AFF3: variants seen among roughly 807,000 people sequenced by gnomAD.
AFF3 encodes AF4/FMR2 family member 3.
Under a neutral mutation model 129.7 loss-of-function variants are expected in AFF3, and 32 were observed. That is an observed-to-expected ratio of 0.25 (90% confidence interval 0.19 to 0.33). The LOEUF (loss-of-function observed/expected upper bound fraction) is 0.33. Among genes scored for constraint, AFF3 ranks in the 10% least tolerant of loss-of-function variants. The pLI, the probability that AFF3 is intolerant of heterozygous loss-of-function variation, is 1.00. For synonymous variants in AFF3, 644 were observed against 635.4 expected (o/e 1.01, Z -0.20); for missense variants, 1,373 against 1,592.0 (o/e 0.86, Z 2.34).
chr2:99,836,619 C>A (rs1000487166), intron 8 of AFF3, among the ~76,000 whole-genome samples: 1 of 151,586 alleles, frequency 6.6e-6, no homozygotes, highest in Admixed American at 6.6e-5. Flanking sequence ...AAATTTTAAC[C>A]CAAGTAATTG....
At chr2:99,727,870 A>C (rs1679489745) in intron 10 of AFF3, among the ~76,000 whole-genome samples, 1 of 152,182 alleles carries the variant, frequency 6.6e-6, no homozygotes. Context: ...CCAGGAGGAG[A>C]GAATTTTTAC....
intron 4 of AFF3, among the ~76,000 whole-genome samples, chr2:100,071,329 GA>G (rs1688165600): frequency 6.6e-6 from 1 of 152,110 alleles, no homozygotes. Flanking sequence ...TCTTTTACAC[GA>G]AAGTATAAAA....
chr2:99,593,198 G>A lies in AFF3; in HGVS notation c.2463C>T (p.Arg821=), dbSNP rs778692513. 5.1e-6 allele frequency: 8 copies of A among 1,574,716 alleles called. No individual in the cohort carries two copies. Among genetic ancestry groups the A allele is most frequent in the Non-Finnish European group, 6.9e-6 (8 of 1,158,114 alleles). The part of the protein sequence containing the change: ...EKALPKSKRK[R]KCDNEDDYRE... ...CCCCAGTCAGCCCCAGGCCTACCTT[G>A]CGTTTCCTCTTGGATTTTGGCAAAG... Residue 821 remains arginine, a synonymous_variant, in exon 15 of 25, where the codon CGC becomes CGT. Coordinates refer to ENST00000672756, the MANE Select transcript of AFF3 (RefSeq NM_001386135.1).
rs184714392 is a variant in AFF3 at position 99,559,974 on chromosome 2, G to T, written c.3191+391C>A. 1.4e-4 allele frequency among the ~76,000 whole-genome samples: 21 copies of T among 152,346 alleles called. 1 individual carries two copies. The highest frequency in any genetic ancestry group is 3.4e-3 in the Middle Eastern group (1 of 294). On this transcript the variant is annotated intron_variant, in intron 21 of 24. Coordinates refer to ENST00000672756, the MANE Select transcript of AFF3 (RefSeq NM_001386135.1). ...CTGTGGCATCATTTTCAAAGTAAGC[G>T]GCTGCGCCGGGTGCGATGGCTCACG...
At chr2:99,732,828 T>C (rs549970561) in intron 10 of AFF3, among the ~76,000 whole-genome samples, 1 of 152,322 alleles carries the variant, frequency 6.6e-6, no homozygotes, top group Admixed American at 6.5e-5. Flanking sequence ...GACTTCAAAC[T>C]GATTCACATC....
chr2:100,071,774 C>T (rs919095273), intron 4 of AFF3, among the ~76,000 whole-genome samples: 1 of 152,100 alleles, frequency 6.6e-6, no homozygotes. Flanking sequence ...TTTACAAAAC[C>T]TCGGCTGTGG....
rs548557402 is a variant in AFF3 at position 99,739,283 on chromosome 2, C to T, written c.1039+4821G>A. 5.3e-5 allele frequency among the ~76,000 whole-genome samples: 8 copies of T among 152,186 alleles called. No homozygotes were observed. The South Asian group carries it at 1.0e-3, about 20-fold the overall frequency. On this transcript the variant is annotated intron_variant, in intron 10 of 24. Coordinates refer to ENST00000672756, the MANE Select transcript of AFF3 (RefSeq NM_001386135.1). Reference sequence around the variant, plus strand: ...GTCTGATTCTTCCTTTGCTGTGTCACGACCTTCCCTGTTCAGGGGTATTTT... The same window carrying T: ...GTCTGATTCTTCCTTTGCTGTGTCATGACCTTCCCTGTTCAGGGGTATTTT...
chr2:99,835,027 T>C (rs1688759052), intron 8 of AFF3, among the ~76,000 whole-genome samples: 1 of 152,192 alleles, frequency 6.6e-6, no homozygotes, highest in Admixed American at 6.5e-5. Context: ...AAACTCACCA[T>C]GCTCAAAAAT....
chr2:99,789,596 C>T (rs953359053), intron 8 of AFF3, among the ~76,000 whole-genome samples: 6 of 152,160 alleles, frequency 3.9e-5, no homozygotes, highest in African/African-American at 1.4e-4. Context: ...CTCTGCATCC[C>T]CCCTGGGATT....
intron 4 of AFF3, among the ~76,000 whole-genome samples, chr2:100,101,201 T>C (rs918473499): frequency 1.3e-5 from 2 of 152,208 alleles, no homozygotes; most frequent in Non-Finnish European, 2.9e-5. Context: ...AAGGAGGTAG[T>C]TGTGAATTAT....
intron 7 of AFF3, among the ~76,000 whole-genome samples, chr2:99,840,999 A>G (rs1036534169): frequency 1.3e-5 from 2 of 152,204 alleles, no homozygotes; most frequent in Non-Finnish European, 1.5e-5. Context: ...TGAATTCTCA[A>G]TGTGCTTTCT....
chr2:99,908,717 T>C (rs1019952201), intron 7 of AFF3, among the ~76,000 whole-genome samples: 2 of 151,978 alleles, frequency 1.3e-5, no homozygotes, highest in Non-Finnish European at 2.9e-5. Flanking sequence ...AAAAAACACA[T>C]GAAAAAATGC....
intron 8 of AFF3, among the ~76,000 whole-genome samples, chr2:99,787,034 G>A (rs1247213149): frequency 6.6e-6 from 1 of 152,046 alleles, no homozygotes; most frequent in Non-Finnish European, 1.5e-5. Flanking sequence ...ACTTAATGAT[G>A]GATTTAATAG....
intron 18 of AFF3, among the ~76,000 whole-genome samples, chr2:99,571,884 T>C (rs1676505660): frequency 6.6e-6 from 1 of 152,156 alleles, no homozygotes; most frequent in African/African-American, 2.4e-5. Context: ...GTAGGAAAAG[T>C]AAAATTGCTT....
At chr2:99,895,165 G>A (rs536931116) in intron 7 of AFF3, among the ~76,000 whole-genome samples, 2 of 152,302 alleles carry the variant, frequency 1.3e-5, no homozygotes, top group East Asian at 3.9e-4. Flanking sequence ...CATGAGCATG[G>A]CTATTTCTAC....
chr2:99,743,154 C>T (rs915202059), intron 10 of AFF3, among the ~76,000 whole-genome samples: 1 of 152,092 alleles, frequency 6.6e-6, no homozygotes, highest in African/African-American at 2.4e-5. Flanking sequence ...CACAGCAAAT[C>T]CCAACAGAGG....
intron 16 of AFF3, among the ~76,000 whole-genome samples, chr2:99,585,104 T>C (rs575589450): frequency 6.6e-6 from 1 of 152,344 alleles, no homozygotes; most frequent in South Asian, 2.1e-4. Flanking sequence ...ATGGCTAAGA[T>C]GCTGATGCTG....
At chr2:99,666,632 C>T (rs1209912689) in intron 12 of AFF3, among the ~76,000 whole-genome samples, 1 of 152,078 alleles carries the variant, frequency 6.6e-6, no homozygotes, top group East Asian at 1.9e-4. Flanking sequence ...AATATGACAA[C>T]TATTAATTTA....
Position 100,127,365 on chromosome 2 carries a change from G to T in AFF3, c.-145+1859C>A, listed in dbSNP as rs557480424. On this transcript the variant is annotated intron_variant, in intron 2 of 24. Coordinates refer to ENST00000672756, the MANE Select transcript of AFF3 (RefSeq NM_001386135.1). ...CTGCTGTGATGTGGGTGGGGGTGAA[G>T]GTCATTCCCCTTTCATAGGTAAGGA... Among the ~76,000 whole-genome samples the T allele has an allele frequency of 2.6e-5, 4 of 152,266 alleles. No individual in the cohort carries two copies. In the South Asian group the frequency reaches 6.2e-4, roughly 24 times the overall value.
Sources: gnomAD v4.1 joint callset for allele counts (sites outside exome capture counted in the v4.1 genomes callset) on GRCh38, gnomAD v4.1.1 for gene constraint, MANE v1.5 for transcripts, NCBI Gene and HGNC (gene_info 2026-07-23, HGNC 2026-07-21) for gene names.